PALS1: variants seen among roughly 807,000 people sequenced by gnomAD.
PALS1 encodes the protein protein PALS1.
In PALS1, 31 loss-of-function variants were observed where a neutral mutation model predicts 78.9. That is an observed-to-expected ratio of 0.39 (90% CI 0.30 to 0.53). The LOEUF is 0.53. Among genes scored for constraint, PALS1 ranks in the 20% least tolerant of loss-of-function variants. The pLI is 0.67. For missense variants in PALS1, 704 were observed against 826.5 expected, an observed-to-expected ratio of 0.85 and a Z score of 1.82; for synonymous variants, 276 against 270.9, an observed-to-expected ratio of 1.02 and a Z score of -0.18.
intron 2 of PALS1, among the ~76,000 whole-genome samples, chr14:67,278,038 C>CTTT (rs1227955769): frequency 1.4e-5 from 2 of 138,788 alleles, no homozygotes; most frequent in African/African-American, 2.6e-5. Context: ...AACCCCAATT[C>CTTT]TTTTTTTTTT....
At chr14:67,320,159 T>G (rs1287768360) in intron 11 of PALS1, 71 bp from the exon 12 acceptor site, 5 of 1,410,556 alleles carry the variant, frequency 3.5e-6, no homozygotes, top group South Asian at 1.5e-5. Flanking sequence ...TGGGTGAAGA[T>G]CTATGAGTAT....
At chr14:67,250,426 TTCTG>T (rs143627653) in intron 1 of PALS1, among the ~76,000 whole-genome samples, 598 of 152,350 alleles carry the variant, frequency 3.9e-3, no homozygotes, top group Middle Eastern at 0.014. Context: ...ACAGTGGTTC[TTCTG>T]TCTTAGTATT....
intron 2 of PALS1, among the ~76,000 whole-genome samples, chr14:67,275,480 G>A (rs2084488028): frequency 6.6e-6 from 1 of 152,142 alleles, no homozygotes; most frequent in Non-Finnish European, 1.5e-5. Context: ...CCATTTGATT[G>A]TGGTGCATAA....
intron 1 of PALS1, among the ~76,000 whole-genome samples, chr14:67,265,424 C>T (rs1299829753): frequency 1.3e-5 from 2 of 151,976 alleles, no homozygotes; most frequent in Non-Finnish European, 2.9e-5. Context: ...TGGATGGTGG[C>T]GTGTGCCTGT....
At chr14:67,309,524 C>G (rs2085056787) in intron 8 of PALS1, among the ~76,000 whole-genome samples, 5 of 152,000 alleles carry the variant, frequency 3.3e-5, no homozygotes, top group African/African-American at 2.4e-5. Flanking sequence ...TGTTCTCTTC[C>G]CAGCCTACAC....
chr14:67,312,584 C>A lies in PALS1; in HGVS notation c.1099C>A (p.Arg367=). The A allele has an allele frequency of 6.2e-7, 1 of 1,613,220 alleles. No individual in the cohort carries two copies. The highest frequency in any genetic ancestry group is 2.2e-5 in the East Asian group (1 of 44,842). Residue 367 remains arginine (R), a synonymous_variant, in exon 9 of 15, where the codon CGA becomes AGA. Coordinates refer to ENST00000261681, the MANE Select transcript of PALS1 (RefSeq NM_022474.4). ...CTCAGATGACCCTTATGTTCCATGTCGAGAGTTAGGTCTGTCTTTTCAAAA... is the reference window on the plus strand; with the variant it reads ...CTCAGATGACCCTTATGTTCCATGTAGAGAGTTAGGTCTGTCTTTTCAAAA... The part of the protein sequence containing the change: ...DPSDDPYVPC[R]ELGLSFQKGD...
chr14:67,270,093 T>C (rs1297403106), intron 2 of PALS1: 1 of 152,248 alleles, frequency 6.6e-6, no homozygotes, highest in African/African-American at 2.4e-5. Flanking sequence ...TGCTGACCTG[T>C]CTTGATTCTC....
chr14:67,300,242 T>C (rs750171597), intron 4 of PALS1, among the ~76,000 whole-genome samples: 3 of 152,244 alleles, frequency 2.0e-5, no homozygotes, highest in South Asian at 2.1e-4. Context: ...CCCAAAATTA[T>C]CATCTCTTGG....
chr14:67,266,970 G>A (rs117581474), intron 1 of PALS1, among the ~76,000 whole-genome samples: 2,874 of 151,830 alleles, frequency 0.019, 37 homozygotes, highest in Middle Eastern at 0.034. Context: ...TTAGCCAGGC[G>A]TGGTGGCCCA....
chr14:67,333,027 C>A lies in PALS1; in HGVS notation c.*71C>A. 7.4e-7 allele frequency: 1 copy of A among 1,346,344 alleles called. No homozygotes were observed. The highest frequency in any genetic ancestry group is 1.0e-6 in the Non-Finnish European group (1 of 965,112). 83.4% of individuals were successfully genotyped at this position (1,346,344 alleles called of 1,614,324 possible). A position where few individuals can be genotyped will look rare whatever the true frequency, so the allele number is the denominator to read the frequency against. On this transcript the variant is annotated 3_prime_UTR_variant, in exon 15 of 15. Coordinates refer to ENST00000261681, the MANE Select transcript of PALS1 (RefSeq NM_022474.4). ...CTGCCAATAGGAGGACTGCCCGACA[C>A]TGCAGCAAGATTGAGGATAAGATGG...
chr14:67,255,149 C>CA (rs879416389), intron 1 of PALS1, among the ~76,000 whole-genome samples: 117 of 137,926 alleles, frequency 8.5e-4, no homozygotes, highest in East Asian at 1.9e-3. Context: ...CTCCATCTCT[C>CA]AAAAAAAAAA....
In PALS1 at chr14:67,310,379, C is replaced by T. The variant is rs147272070; in HGVS notation, c.1042-2148C>T. Among the ~76,000 whole-genome samples the T allele has an allele frequency of 2.8e-3, 421 of 152,178 alleles. 2 individuals carry two copies. The highest frequency in any genetic ancestry group is 9.6e-3 in the African/African-American group (400 of 41,504). On this transcript the variant is annotated intron_variant, in intron 8 of 14. Transcript: ENST00000261681. ...TACAAGATTATATACTATGCTATTCCATGTATATGAATTAATATACAGGGG... is the reference window on the plus strand; with the variant it reads ...TACAAGATTATATACTATGCTATTCTATGTATATGAATTAATATACAGGGG...
At chr14:67,289,955 G>A (rs1294266224) in intron 3 of PALS1, among the ~76,000 whole-genome samples, 5 of 151,878 alleles carry the variant, frequency 3.3e-5, no homozygotes, top group African/African-American at 1.2e-4. Context: ...AATATTTTTA[G>A]TAGAGACGGG....
At chr14:67,285,549 T>C (rs766690628) in intron 3 of PALS1, among the ~76,000 whole-genome samples, 19 of 151,666 alleles carry the variant, frequency 1.3e-4, no homozygotes, top group Non-Finnish European at 2.5e-4. Context: ...TTGTATGTTT[T>C]TAGTAGAGAT....
Position 67,279,445 on chromosome 14 carries a change from A to G in PALS1, c.275A>G (p.Gln92Arg). ...NSSMRLKKLA[Q>R]IPPKTGIDNP... ...TCCATGAGACTTAAGAAACTAGCCC[A>G]AATTCCTCCAAAGACCGGAATAGAT... Residue 92 changes from glutamine to arginine, a missense_variant, in exon 3 of 15, where the codon CAA (glutamine) becomes CGA (arginine). Gln to Arg is a conservative substitution (Grantham distance 43). Coordinates refer to ENST00000261681, the MANE Select transcript of PALS1 (RefSeq NM_022474.4). The G allele has an allele frequency of 6.2e-7, 1 of 1,613,474 alleles. No individual in the cohort carries two copies. Among genetic ancestry groups the G allele is most frequent in the Non-Finnish European group, 8.5e-7 (1 of 1,179,744 alleles).
intron 14 of PALS1, among the ~76,000 whole-genome samples, chr14:67,324,868 T>G (rs983743072): frequency 5.3e-5 from 8 of 150,276 alleles, no homozygotes; most frequent in Non-Finnish European, 8.9e-5. Context: ...GGATTGCAGG[T>G]GTAAGCTACC....
intron 1 of PALS1, among the ~76,000 whole-genome samples, chr14:67,251,248 C>T (rs1429001031): frequency 2.0e-5 from 3 of 152,150 alleles, no homozygotes; most frequent in Non-Finnish European, 2.9e-5. Flanking sequence ...TAAAAATGTA[C>T]GTGAGGCTGG....
chr14:67,256,791 A>C (rs1008056415), intron 1 of PALS1, among the ~76,000 whole-genome samples: 4 of 128,252 alleles, frequency 3.1e-5, no homozygotes, highest in Non-Finnish European at 6.2e-5. Flanking sequence ...TGTTCCAGAA[A>C]CTATTGACAC....
chr14:67,261,831 T>C (rs1262451161), intron 1 of PALS1, among the ~76,000 whole-genome samples: 2 of 152,084 alleles, frequency 1.3e-5, no homozygotes, highest in African/African-American at 4.8e-5. Flanking sequence ...AAAATAAACT[T>C]GTAGTCTGTT....
Sources: allele counts gnomAD v4.1 joint callset (sites outside exome capture counted in the v4.1 genomes callset), GRCh38; gene constraint gnomAD v4.1.1; transcripts MANE v1.5; gene names NCBI Gene and HGNC (gene_info 2026-07-23, HGNC 2026-07-21).